The following BLTP1 variants were observed in gnomAD, a reference collection of about 807,000 sequenced individuals.
BLTP1 encodes the protein bridge-like lipid transfer protein family member 1.
At chr4:122,160,643 A>T in the BLTP1 span, among the ~76,000 whole-genome samples, 1 of 152,128 alleles carries the variant, frequency 6.6e-6, no homozygotes, top group Non-Finnish European at 1.5e-5. Context: ...TTGTCACTTT[A>T]CAAACAGTTT....
chr4:122,229,359 G>T, the BLTP1 span: 8 of 721,596 alleles, frequency 1.1e-5, no homozygotes, highest in Non-Finnish European at 1.3e-5. Context: ...CAAAATTTTA[G>T]GAGAAAACTT....
chr4:122,347,827 T>G, the BLTP1 span: 1 of 1,383,206 alleles, frequency 7.2e-7, no homozygotes. Flanking sequence ...GTTCTCAGGA[T>G]AAAATCTTAG....
chr4:122,177,421 A>G, the BLTP1 span, among the ~76,000 whole-genome samples: 1 of 152,054 alleles, frequency 6.6e-6, no homozygotes, highest in Non-Finnish European at 1.5e-5. Context: ...CTCTTAATAC[A>G]CTGGCCAGAT....
the BLTP1 span, among the ~76,000 whole-genome samples, chr4:122,258,335 A>C: frequency 6.6e-6 from 1 of 152,224 alleles, no homozygotes; most frequent in South Asian, 2.1e-4. Context: ...GGAATAGGGT[A>C]GATTTTATTA....
At chr4:122,167,344 G>C in the BLTP1 span, among the ~76,000 whole-genome samples, 1 of 151,930 alleles carries the variant, frequency 6.6e-6, no homozygotes, top group Non-Finnish European at 1.5e-5. Context: ...CATCTCCCAG[G>C]TGTGTCCTCC....
the BLTP1 span, chr4:122,347,464 A>G: frequency 1.3e-6 from 2 of 1,553,802 alleles, no homozygotes; most frequent in Non-Finnish European, 1.7e-6. Context: ...ATTTTATAAC[A>G]TAGGGATTTT....
At chr4:122,257,099 C>A in the BLTP1 span, 1 of 265,216 alleles carries the variant, frequency 3.8e-6, no homozygotes, top group Non-Finnish European at 5.8e-6. Flanking sequence ...TCCTGACTCT[C>A]TTGGGTAACT....
At chr4:122,278,191 A>G in the BLTP1 span, among the ~76,000 whole-genome samples, 4 of 152,172 alleles carry the variant, frequency 2.6e-5, no homozygotes, top group Non-Finnish European at 5.9e-5. Flanking sequence ...AATAAACTTT[A>G]TTTCCCAACA....
At chr4:122,238,955 T>C in the BLTP1 span, among the ~76,000 whole-genome samples, 2 of 152,182 alleles carry the variant, frequency 1.3e-5, no homozygotes, top group African/African-American at 2.4e-5. Flanking sequence ...AATGTAAAAC[T>C]CCAGCCAAAA....
chr4:122,343,801 A>C, the BLTP1 span: 1 of 453,640 alleles, frequency 2.2e-6, no homozygotes. Flanking sequence ...AATTAATTAT[A>C]CAAGAATTTT....
At chr4:122,195,764 C>T in the BLTP1 span, 1 of 451,764 alleles carries the variant, frequency 2.2e-6, no homozygotes, top group Non-Finnish European at 2.9e-6. Flanking sequence ...ACTTTATTTT[C>T]CTTTCATATA....
the BLTP1 span, among the ~76,000 whole-genome samples, chr4:122,288,257 GATGATTTACTA>G: frequency 6.6e-6 from 1 of 152,132 alleles, no homozygotes; most frequent in Non-Finnish European, 1.5e-5. Context: ...GGGTATCTCT[GATGATTTACTA>G]ATTCACTCAA....
chr4:122,232,564 G>A, the BLTP1 span, among the ~76,000 whole-genome samples: 867 of 152,012 alleles, frequency 5.7e-3, 6 homozygotes, highest in African/African-American at 0.019. Flanking sequence ...CCAAGATTGC[G>A]CCACTGCACT....
the BLTP1 span, chr4:122,256,130 T>C: frequency 5.3e-5 from 52 of 984,666 alleles, 1 homozygote; most frequent in East Asian, 2.3e-3. Context: ...TGCTGGCCAA[T>C]AGGGGACACA....
At chr4:122,270,424 T>A in the BLTP1 span, 1 of 851,690 alleles carries the variant, frequency 1.2e-6, no homozygotes, top group Non-Finnish European at 1.4e-6. Context: ...TATTTTTGAC[T>A]TTCTATATTA....
At chr4:122,276,862 C>G in the BLTP1 span, 1 of 981,742 alleles carries the variant, frequency 1.0e-6, no homozygotes, top group Non-Finnish European at 1.2e-6. Flanking sequence ...ATCAAGACCT[C>G]TGATAGAGCT....
the BLTP1 span, chr4:122,185,018 G>A: frequency 1.0e-6 from 1 of 984,996 alleles, no homozygotes; most frequent in African/African-American, 1.7e-5. Flanking sequence ...GCTATGTGGG[G>A]CAAGAGAATG....
At chr4:122,240,491 A>G in the BLTP1 span, 7 of 690,508 alleles carry the variant, frequency 1.0e-5, no homozygotes, top group African/African-American at 3.6e-5. Context: ...AGCTTTATGT[A>G]TGATAGGTCA....
At chr4:122,153,219 A>G in the BLTP1 span, 15 of 166,712 alleles carry the variant, frequency 9.0e-5, no homozygotes, top group South Asian at 2.4e-3. Flanking sequence ...TGTTAAAGGT[A>G]AAAGTTCATG....
Sources: allele counts gnomAD v4.1 joint callset (sites outside exome capture counted in the v4.1 genomes callset), GRCh38; gene constraint gnomAD v4.1.1; transcripts MANE v1.5; gene names NCBI Gene and HGNC (gene_info 2026-07-23, HGNC 2026-07-21).